PTPRG: variants seen among roughly 807,000 people sequenced by gnomAD.
PTPRG encodes the protein receptor-type tyrosine-protein phosphatase gamma.
PTPRG carries 102 observed loss-of-function variants against 165.3 expected under a neutral mutation model. The ratio of observed to expected loss-of-function variants is 0.62; its 90% CI spans 0.53 to 0.73. The LOEUF is 0.73. PTPRG is among the 30% of genes least tolerant of loss of function. The pLI is 0.00. For missense variants in PTPRG, 1,866 were observed against 1,861.4 expected (o/e 1.00, Z -0.05); for synonymous variants, 675 against 669.5 (o/e 1.01, Z -0.13).
intron 1 of PTPRG, among the ~76,000 whole-genome samples, chr3:61,727,391 G>T (rs2032312399): frequency 6.6e-6 from 1 of 152,050 alleles, no homozygotes; most frequent in South Asian, 2.1e-4. Context: ...CCTAACCTCA[G>T]GTGGTATGCC....
chr3:62,064,462 C>A (rs1027236751), intron 4 of PTPRG, among the ~76,000 whole-genome samples: 19 of 151,254 alleles, frequency 1.3e-4, no homozygotes, highest in African/African-American at 4.4e-4. Flanking sequence ...AGCAATCCTC[C>A]TGCTTCAGTC....
At position 62,224,060 on chromosome 3, in the gene PTPRG, T is replaced by C. The variant is rs576271163; in HGVS notation, c.2288+5077T>C. On this transcript the variant is annotated intron_variant, in intron 13 of 29. Coordinates refer to ENST00000474889, the MANE Select transcript of PTPRG (RefSeq NM_002841.4). This position sits in a 1 kb window ranked among gnomAD's most constrained non-coding sequence, Gnocchi z 4.9. ...ACTTTGGGCCAAAAAAGGAAAGGGG[T>C]GACTATAATGTTAATGAAATTGGTT... is the stretch of plus-strand genomic sequence containing the variant. Among the ~76,000 whole-genome samples the C allele has an allele frequency of 1.7e-4, 26 of 151,716 alleles. No homozygotes were observed. In the South Asian group the frequency reaches 5.2e-3, roughly 31 times the overall value.
intron 2 of PTPRG, among the ~76,000 whole-genome samples, chr3:61,893,995 G>C (rs2038283427): frequency 6.6e-6 from 1 of 152,056 alleles, no homozygotes; most frequent in African/African-American, 2.4e-5. Context: ...GTTATTTGCA[G>C]AGAAAGCAGC....
At chr3:61,782,445 G>A (rs1040367406) in intron 2 of PTPRG, among the ~76,000 whole-genome samples, 1 of 152,164 alleles carries the variant, frequency 6.6e-6, no homozygotes, top group Non-Finnish European at 1.5e-5. Context: ...CATCAGCCAG[G>A]CTGATGAACC....
intron 1 of PTPRG, among the ~76,000 whole-genome samples, chr3:61,680,408 G>T (rs1455841896): frequency 6.7e-6 from 1 of 150,144 alleles, no homozygotes; most frequent in Non-Finnish European, 1.5e-5. Context: ...TGCCCAGGCT[G>T]AGTATCAAGA....
intron 2 of PTPRG, among the ~76,000 whole-genome samples, chr3:61,834,204 G>A (rs1333288669): frequency 6.6e-6 from 1 of 152,144 alleles, no homozygotes; most frequent in African/African-American, 2.4e-5. Flanking sequence ...TTCACAAAAA[G>A]TCTCTTGTGG....
chr3:61,732,649 C>T (rs950564674), intron 1 of PTPRG, among the ~76,000 whole-genome samples: 25 of 151,868 alleles, frequency 1.6e-4, no homozygotes, highest in Non-Finnish European at 3.1e-4. Context: ...GCGGAGCTTG[C>T]AGTGAGCCAA....
chr3:61,963,010 A>T (rs150560617), intron 2 of PTPRG, among the ~76,000 whole-genome samples: 3 of 152,176 alleles, frequency 2.0e-5, no homozygotes, highest in Admixed American at 1.3e-4. Flanking sequence ...GGTGAATTCT[A>T]TATTCCGTCC....
chr3:61,978,457 G>A (rs1221655811), intron 2 of PTPRG, among the ~76,000 whole-genome samples: 1 of 151,856 alleles, frequency 6.6e-6, no homozygotes, highest in Non-Finnish European at 1.5e-5. Flanking sequence ...CTAGAGTAAG[G>A]TCGTCTAGTT....
Position 61,787,551 on chromosome 3 carries a change from C to T in PTPRG, c.190+38569C>T, listed in dbSNP as rs759873998. Among the ~76,000 whole-genome samples, 9 of 152,140 alleles carry T rather than the reference C, an allele frequency of 5.9e-5. No individual in the cohort carries two copies. In the South Asian group the frequency reaches 6.2e-4, roughly 10 times the overall value. On this transcript the variant is annotated intron_variant, in intron 2 of 29. Coordinates refer to ENST00000474889, the MANE Select transcript of PTPRG (RefSeq NM_002841.4). The stretch of plus-strand genomic sequence containing the variant: ...TGAAGTAAAGAGCCCCTAAGTAATG[C>T]GGGACAGTACAGTTACTGAATCACC...
intron 5 of PTPRG, among the ~76,000 whole-genome samples, chr3:62,081,074 G>A (rs955209913): frequency 1.3e-4 from 19 of 151,804 alleles, no homozygotes; most frequent in Middle Eastern, 3.4e-3. Flanking sequence ...TGGCTAACAC[G>A]GTGAAACCCC....
chr3:62,136,577 G>T (rs1368368331), intron 6 of PTPRG, among the ~76,000 whole-genome samples: 1 of 152,194 alleles, frequency 6.6e-6, no homozygotes. Flanking sequence ...CGGTTTGGCT[G>T]TGTCCCACCT....
intron 4 of PTPRG, among the ~76,000 whole-genome samples, chr3:62,016,381 T>C (rs2041544420): frequency 6.6e-6 from 1 of 152,124 alleles, no homozygotes; most frequent in African/African-American, 2.4e-5. Flanking sequence ...TTGGCCAGGC[T>C]GGTCTCGAAC....
chr3:62,207,636 G>T (rs1700262247), intron 12 of PTPRG, among the ~76,000 whole-genome samples: 2 of 152,168 alleles, frequency 1.3e-5, no homozygotes, highest in South Asian at 4.1e-4. Flanking sequence ...GAGTGATAAT[G>T]TGTAAAGTTA....
intron 1 of PTPRG, among the ~76,000 whole-genome samples, chr3:61,673,016 G>T (rs1575580476): frequency 6.6e-6 from 1 of 152,152 alleles, no homozygotes; most frequent in East Asian, 1.9e-4. Context: ...AAAATTAGCT[G>T]GGTGTGGTGG....
chr3:61,651,096 T>G (rs1001054392), intron 1 of PTPRG, among the ~76,000 whole-genome samples: 1 of 152,062 alleles, frequency 6.6e-6, no homozygotes, highest in East Asian at 1.9e-4. Context: ...ACCCTGTTCA[T>G]CAACCTCAAT....
chr3:62,159,603 T>G (rs1219925726), intron 7 of PTPRG, among the ~76,000 whole-genome samples: 1 of 152,164 alleles, frequency 6.6e-6, no homozygotes, highest in Admixed American at 6.5e-5. Flanking sequence ...AAATATCTCC[T>G]CACTATTCCA....
At chr3:61,566,767 A>G (rs1396186733) in intron 1 of PTPRG, among the ~76,000 whole-genome samples, 1 of 152,208 alleles carries the variant, frequency 6.6e-6, no homozygotes, top group Non-Finnish European at 1.5e-5. Flanking sequence ...TCGGCCTCCC[A>G]GAGTGCTGGG....
intron 2 of PTPRG, among the ~76,000 whole-genome samples, chr3:61,831,902 A>G (rs1249924229): frequency 6.6e-6 from 1 of 152,228 alleles, no homozygotes; most frequent in Non-Finnish European, 1.5e-5. Context: ...GGTTCAGATG[A>G]GAAGATTTAA....
Sources: allele counts gnomAD v4.1 joint callset (sites outside exome capture counted in the v4.1 genomes callset), GRCh38; gene constraint gnomAD v4.1.1; non-coding constraint Gnocchi (gnomAD v3.1); transcripts MANE v1.5; gene names NCBI Gene and HGNC (gene_info 2026-07-23, HGNC 2026-07-21).